Variants in MAGI2 observed in about 807,000 individuals in gnomAD.
MAGI2 encodes the protein membrane associated guanylate kinase, WW and PDZ domain containing 2.
In MAGI2, 35 loss-of-function variants were observed where a neutral mutation model predicts 133.3. The ratio of observed to expected loss-of-function variants is 0.26; its 90% CI spans 0.20 to 0.35. The LOEUF (loss-of-function observed/expected upper bound fraction) is 0.35. Among genes scored for constraint, MAGI2 ranks in the 10% least tolerant of loss-of-function variants. The pLI, the probability that MAGI2 is intolerant of heterozygous loss-of-function variation, is 1.00. For synonymous variants in MAGI2, 729 were observed against 710.6 expected, an observed-to-expected ratio of 1.03 and a Z score of -0.41; for missense variants, 1,636 against 1,863.4, an observed-to-expected ratio of 0.88 and a Z score of 2.25.
chr7:79,173,441 T>A (rs1825809185), intron 1 of MAGI2, among the ~76,000 whole-genome samples: 1 of 152,050 alleles, frequency 6.6e-6, no homozygotes, highest in South Asian at 2.1e-4. Flanking sequence ...TCCTTCCACT[T>A]CATCCTCCCA....
chr7:78,541,572 A>G (rs1049040004), intron 3 of MAGI2, among the ~76,000 whole-genome samples: 1 of 152,214 alleles, frequency 6.6e-6, no homozygotes, highest in African/African-American at 2.4e-5. Flanking sequence ...GGGAAAAACC[A>G]CACATTAGAG....
At chr7:78,909,440 A>C (rs1291533478) in intron 2 of MAGI2, among the ~76,000 whole-genome samples, 2 of 150,908 alleles carry the variant, frequency 1.3e-5, no homozygotes, top group Non-Finnish European at 1.5e-5. Context: ...AAAAAAAAAA[A>C]AAAACAAAAA....
At chr7:78,491,519 G>A (rs981743817) in intron 5 of MAGI2, among the ~76,000 whole-genome samples, 2 of 152,006 alleles carry the variant, frequency 1.3e-5, no homozygotes, top group African/African-American at 2.4e-5. Flanking sequence ...TCTCAACAGG[G>A]CTCTAATAAA....
intron 2 of MAGI2, among the ~76,000 whole-genome samples, chr7:78,872,577 C>A (rs977869174): frequency 7.0e-6 from 1 of 143,008 alleles, no homozygotes; most frequent in African/African-American, 2.5e-5. Flanking sequence ...GTGATAGTCC[C>A]GTTTATATCA....
chr7:78,141,503 A>G (rs1188628388), intron 16 of MAGI2, among the ~76,000 whole-genome samples: 1 of 152,156 alleles, frequency 6.6e-6, no homozygotes, highest in Non-Finnish European at 1.5e-5. Context: ...GGGAAAAAAC[A>G]TGTGTTTTGT....
chr7:78,190,877 A>C (rs1435090383), intron 12 of MAGI2, among the ~76,000 whole-genome samples: 1 of 152,240 alleles, frequency 6.6e-6, no homozygotes, highest in Non-Finnish European at 1.5e-5. Context: ...AGAAAAGAGA[A>C]GTAAAACATA....
chr7:78,869,945 G>C (rs957603629), intron 2 of MAGI2, among the ~76,000 whole-genome samples: 1 of 152,096 alleles, frequency 6.6e-6, no homozygotes, highest in African/African-American at 2.4e-5. Flanking sequence ...TGCTTCATTG[G>C]TCTTTGTGCC....
In MAGI2 at chr7:79,040,964, T is replaced by A. The variant is rs185917615; in HGVS notation, c.302-33758A>T. Among the ~76,000 whole-genome samples the A allele has an allele frequency of 1.7e-3, 256 of 152,324 alleles. 3 individuals carry two copies. The highest frequency in any genetic ancestry group is 2.5e-3 in the Non-Finnish European group (167 of 68,028). On this transcript the variant is annotated intron_variant, in intron 1 of 21. Coordinates refer to ENST00000354212, the MANE Select transcript of MAGI2 (RefSeq NM_012301.4). ...GTAACTACAGTTATCAATAATAGAT[T>A]ATATATTTCAAAATAGCTAGAAGAG...
chr7:79,262,729 CACAACA>C (rs1834173909), intron 1 of MAGI2, among the ~76,000 whole-genome samples: 1 of 152,154 alleles, frequency 6.6e-6, no homozygotes, highest in African/African-American at 2.4e-5. Context: ...ATAACTTACA[CACAACA>C]AAGTTTTGGG....
At chr7:78,563,998 T>G (rs1162810269) in intron 3 of MAGI2, among the ~76,000 whole-genome samples, 2 of 152,210 alleles carry the variant, frequency 1.3e-5, no homozygotes, top group South Asian at 2.1e-4. Flanking sequence ...TTTTTTTAAG[T>G]TGCTAACACA....
chr7:78,628,466 T>C (rs1808610862), intron 2 of MAGI2, among the ~76,000 whole-genome samples: 1 of 152,130 alleles, frequency 6.6e-6, no homozygotes, highest in Non-Finnish European at 1.5e-5. Context: ...GGTTCTCCTT[T>C]TGGTCTATTA....
At chr7:78,631,993 TATAAC>T (rs1370351325) in intron 2 of MAGI2, among the ~76,000 whole-genome samples, 1 of 152,214 alleles carries the variant, frequency 6.6e-6, no homozygotes, top group Non-Finnish European at 1.5e-5. Flanking sequence ...GGATAATTCA[TATAAC>T]ATACTTAAGA....
chr7:78,230,737 C>T (rs538649957), intron 10 of MAGI2, among the ~76,000 whole-genome samples: 151 of 152,320 alleles, frequency 9.9e-4, no homozygotes, highest in Middle Eastern at 3.4e-3. Flanking sequence ...CTGACGCCAG[C>T]TCAGATTCTG....
intron 2 of MAGI2, among the ~76,000 whole-genome samples, chr7:78,862,213 T>G (rs1022740951): frequency 6.6e-6 from 1 of 152,196 alleles, no homozygotes; most frequent in African/African-American, 2.4e-5. Context: ...CTCTCTCTTT[T>G]ACAACAGAGT....
At chr7:78,215,660 A>G (rs1187717300) in intron 10 of MAGI2, among the ~76,000 whole-genome samples, 1 of 152,184 alleles carries the variant, frequency 6.6e-6, no homozygotes, top group Non-Finnish European at 1.5e-5. Flanking sequence ...GGGGATTCTC[A>G]ACGGCCTCAG....
chr7:79,182,415 C>T lies in MAGI2; in HGVS notation c.302-175209G>A, dbSNP rs182806879. On this transcript the variant is annotated intron_variant, in intron 1 of 21. Coordinates refer to ENST00000354212, the MANE Select transcript of MAGI2 (RefSeq NM_012301.4). The stretch of plus-strand genomic sequence containing the variant: ...TTTAAAACCATCAGATCTTGCAAGA[C>T]TTATTCACCATCATGAGAACACTGC... Among the ~76,000 whole-genome samples the T allele has an allele frequency of 1.8e-4, 28 of 152,056 alleles. 1 individual carries two copies. Among genetic ancestry groups the T allele is most frequent in the African/African-American group, 6.0e-4 (25 of 41,404 alleles).
chr7:78,970,266 A>C (rs1473877050), intron 2 of MAGI2, among the ~76,000 whole-genome samples: 1 of 152,046 alleles, frequency 6.6e-6, no homozygotes, highest in Non-Finnish European at 1.5e-5. Flanking sequence ...TAAGCAAGTG[A>C]CTTATTTTAT....
chr7:79,146,806 T>C (rs949227513), intron 1 of MAGI2, among the ~76,000 whole-genome samples: 1 of 152,232 alleles, frequency 6.6e-6, no homozygotes, highest in Non-Finnish European at 1.5e-5. Context: ...TTATTGGCAG[T>C]GTGAGAACAG....
In MAGI2 at chr7:78,831,840, G is replaced by A. The variant is rs1791184269; in HGVS notation, c.418+175250C>T. On this transcript the variant is annotated intron_variant, in intron 2 of 21. Transcript: ENST00000354212. ...TCTAATTGATAGAATGAGGTCAAGA[G>A]AGTAAAACACTTTAAACACTCTCTG... Among the ~76,000 whole-genome samples, 3 of 152,176 alleles carry A rather than the reference G, an allele frequency of 2.0e-5. No individual in the cohort carries two copies. In the South Asian group the frequency reaches 6.2e-4, roughly 31 times the overall value.
Sources: allele counts gnomAD v4.1 joint callset (sites outside exome capture counted in the v4.1 genomes callset), GRCh38; gene constraint gnomAD v4.1.1; transcripts MANE v1.5; gene names NCBI Gene and HGNC (gene_info 2026-07-23, HGNC 2026-07-21).